The following ZDHHC17 variants were observed in gnomAD, a reference collection of about 807,000 sequenced individuals.
ZDHHC17 encodes zDHHC palmitoyltransferase 17.
A neutral mutation model predicts 90.3 loss-of-function variants in ZDHHC17; 40 were observed. That is an observed-to-expected ratio of 0.44 (90% CI 0.34 to 0.58). The LOEUF (loss-of-function observed/expected upper bound fraction) is 0.58. ZDHHC17 is among the 20% of genes least tolerant of loss of function. The pLI is 0.01. For missense variants in ZDHHC17, 614 were observed against 780.8 expected (o/e 0.79, Z 2.55); for synonymous variants, 235 against 252.4 (o/e 0.93, Z 0.65).
intron 9 of ZDHHC17, among the ~76,000 whole-genome samples, chr12:76,827,879 C>T (rs933212294): frequency 2.0e-5 from 3 of 151,938 alleles, no homozygotes; most frequent in Admixed American, 2.0e-4. Flanking sequence ...TTTGTTTTTC[C>T]CCAATTTTAA....
At position 76,765,245 on chromosome 12, in the gene ZDHHC17, C is replaced by A. The variant is rs947991180; in HGVS notation, c.93+916C>A. ...TTGTAGGATGAACAAACATGGAAGT[C>A]TCTACCTGGTTACTTTGCAATGGAG... On this transcript the variant is annotated intron_variant, in intron 1 of 16. Coordinates refer to ENST00000426126, the MANE Select transcript of ZDHHC17 (RefSeq NM_015336.4). Among the ~76,000 whole-genome samples, 7 of 152,202 alleles carry A rather than the reference C, an allele frequency of 4.6e-5. 1 individual carries two copies. Among genetic ancestry groups the A allele is most frequent in the African/African-American group, 1.7e-4 (7 of 41,440 alleles).
chr12:76,849,502 C>T, intron 16 of ZDHHC17, 32 bp downstream of exon 16: 2 of 1,399,688 alleles, frequency 1.4e-6, no homozygotes, highest in East Asian at 2.6e-5. Flanking sequence ...TAATATTTTA[C>T]CTGGTCATAA....
chr12:76,788,950 G>A (rs1952728023), intron 1 of ZDHHC17, among the ~76,000 whole-genome samples: 1 of 151,970 alleles, frequency 6.6e-6, no homozygotes. Context: ...GCCTGCCTTG[G>A]CCTCCCAAAG....
chr12:76,788,256 TC>T (rs1952714988), intron 1 of ZDHHC17, among the ~76,000 whole-genome samples: 1 of 152,204 alleles, frequency 6.6e-6, no homozygotes, highest in Non-Finnish European at 1.5e-5. Flanking sequence ...AAGCAACAGA[TC>T]CTTTTTATTC....
intron 5 of ZDHHC17, among the ~76,000 whole-genome samples, chr12:76,810,707 GA>G (rs1418072294): frequency 1.0e-5 from 1 of 96,270 alleles, no homozygotes; most frequent in African/African-American, 3.7e-5. Flanking sequence ...GCTGGAAGGG[GA>G]GGGGGGGTTA....
At chr12:76,816,757 A>G (rs1045591703) in intron 7 of ZDHHC17, among the ~76,000 whole-genome samples, 1 of 152,026 alleles carries the variant, frequency 6.6e-6, no homozygotes, top group African/African-American at 2.4e-5. Context: ...CTTTAAGAGG[A>G]GAAGGATAAA....
At chr12:76,793,970 C>T (rs1212918548) in intron 1 of ZDHHC17, among the ~76,000 whole-genome samples, 1 of 152,100 alleles carries the variant, frequency 6.6e-6, no homozygotes, top group Non-Finnish European at 1.5e-5. Flanking sequence ...ACTGCAAGCT[C>T]CACCTCCTGG....
chr12:76,804,848 C>A lies in ZDHHC17; in HGVS notation c.198-469C>A, dbSNP rs140479367. 5.9e-5 allele frequency among the ~76,000 whole-genome samples: 9 copies of A among 152,292 alleles called. No homozygotes were observed. In the East Asian group the frequency reaches 1.7e-3, roughly 29 times the overall value. ...TGAAAGTCTCACTTTCGCCTTTCCT[C>A]GTGCCTCTTGGTCCATTCTTTGGGT... is the stretch of plus-strand genomic sequence containing the variant. On this transcript the variant is annotated intron_variant, in intron 2 of 16. Coordinates refer to ENST00000426126, the MANE Select transcript of ZDHHC17 (RefSeq NM_015336.4).
chr12:76,781,570 C>T (rs1314748472), intron 1 of ZDHHC17: 20 of 454,096 alleles, frequency 4.4e-5, no homozygotes, highest in Admixed American at 3.1e-4. Flanking sequence ...TTAGTCCTCT[C>T]GTTTGCTGTC....
rs779385993 is a variant in ZDHHC17 at position 76,849,450 on chromosome 12, G to A, written c.1740G>A (p.Thr580=). Residue 580 remains threonine (T), a synonymous_variant, in exon 16 of 17, where the codon ACG becomes ACA. Coordinates refer to ENST00000426126, the MANE Select transcript of ZDHHC17 (RefSeq NM_015336.4). The stretch of plus-strand genomic sequence containing the variant: ...ACAAGCACTTTAAAGTCACAACAAC[G>A]TCTATTGAAAGCCCATTCAAGTATG... ...RRYKHFKVTT[T]SIESPFNHGC... is the part of the protein sequence containing the mutation. 18 of 1,547,500 alleles carry A rather than the reference G, an allele frequency of 1.2e-5. No homozygotes were observed. Among genetic ancestry groups the A allele is most frequent in the East Asian group, 2.4e-5 (1 of 41,570 alleles).
chr12:76,783,749 T>G (rs1359137692), intron 1 of ZDHHC17, among the ~76,000 whole-genome samples: 1 of 152,208 alleles, frequency 6.6e-6, no homozygotes, highest in Non-Finnish European at 1.5e-5. Context: ...TTTACAGAAA[T>G]AATTAAGTAT....
At chr12:76,811,438 G>A (rs1379251767) in intron 5 of ZDHHC17, among the ~76,000 whole-genome samples, 2 of 151,666 alleles carry the variant, frequency 1.3e-5, no homozygotes, top group African/African-American at 4.9e-5. Context: ...AGTCTTCATG[G>A]TCTTTTTTTT....
chr12:76,801,287 T>A (rs757776596), intron 2 of ZDHHC17, among the ~76,000 whole-genome samples: 27 of 152,162 alleles, frequency 1.8e-4, no homozygotes, highest in Admixed American at 5.2e-4. Flanking sequence ...GTGAAATGTT[T>A]AAGTTTCTCA....
intron 1 of ZDHHC17, among the ~76,000 whole-genome samples, chr12:76,770,278 A>G (rs892970565): frequency 2.0e-5 from 3 of 152,222 alleles, no homozygotes; most frequent in African/African-American, 7.2e-5. Flanking sequence ...AGTGGCTAAA[A>G]TAATTAGTAT....
chr12:76,795,421 A>T (rs996772554), intron 1 of ZDHHC17, among the ~76,000 whole-genome samples: 4 of 152,134 alleles, frequency 2.6e-5, no homozygotes, highest in Non-Finnish European at 5.9e-5. Flanking sequence ...CTCTCAATAC[A>T]TGTTTTGTTG....
chr12:76,813,221 T>C, intron 5 of ZDHHC17: 1 of 294,480 alleles, frequency 3.4e-6, no homozygotes, highest in Non-Finnish European at 6.7e-6. Context: ...CTACGGAAAT[T>C]AGGAGTAAAA....
At chr12:76,780,785 C>G (rs1014605733) in intron 1 of ZDHHC17, among the ~76,000 whole-genome samples, 10 of 152,062 alleles carry the variant, frequency 6.6e-5, no homozygotes, top group African/African-American at 1.9e-4. Flanking sequence ...AAATACAAAT[C>G]AAACAAGATA....
chr12:76,772,220 T>C (rs1952500629), intron 1 of ZDHHC17, among the ~76,000 whole-genome samples: 1 of 152,066 alleles, frequency 6.6e-6, no homozygotes, highest in Non-Finnish European at 1.5e-5. Context: ...GATGATAGAG[T>C]TGGATTTGCT....
At chr12:76,797,616 T>A (rs773512866) in intron 2 of ZDHHC17, 79 bp downstream of exon 2, 7 of 1,175,736 alleles carry the variant, frequency 6.0e-6, no homozygotes, top group Non-Finnish European at 8.2e-6. Flanking sequence ...GTCATATTAC[T>A]TTGGGAAAAA....
Sources: gnomAD v4.1 joint callset for allele counts (sites outside exome capture counted in the v4.1 genomes callset) on GRCh38, gnomAD v4.1.1 for gene constraint, MANE v1.5 for transcripts, NCBI Gene and HGNC (gene_info 2026-07-23, HGNC 2026-07-21) for gene names.